Variants in HYAL4 observed in about 807,000 individuals in gnomAD.
The protein encoded by HYAL4 is hyaluronidase 4.
A neutral mutation model predicts 35.2 loss-of-function variants in HYAL4; 37 were observed. The observed-to-expected ratio is 1.05, with a 90% CI of 0.81 to 1.38. The LOEUF (loss-of-function observed/expected upper bound fraction) is 1.38, where lower values mean the gene tolerates loss of function less well. Ranked by LOEUF, HYAL4 falls within the 40% of genes most tolerant of loss-of-function variation. HYAL4 has a pLI of 0.00. For synonymous variants in HYAL4, 198 were observed against 203.2 expected (o/e 0.97, Z 0.22); for missense variants, 572 against 572.4 (o/e 1.00, Z 0.01).
intron 1 of HYAL4, among the ~76,000 whole-genome samples, chr7:123,835,374 G>A (rs564971709): frequency 6.6e-6 from 1 of 152,184 alleles, no homozygotes; most frequent in Admixed American, 6.5e-5. Context: ...ATGTAAAGGT[G>A]TTCATAGTAG....
chr7:123,775,294 T>C, the HYAL4 span, among the ~76,000 whole-genome samples: 2 of 152,230 alleles, frequency 1.3e-5, no homozygotes, highest in Admixed American at 1.3e-4. Context: ...TTAGGCATGG[T>C]GGCACATGCC....
At chr7:123,765,169 ACT>A in the HYAL4 span, among the ~76,000 whole-genome samples, 2 of 152,240 alleles carry the variant, frequency 1.3e-5, no homozygotes, top group South Asian at 2.1e-4. Context: ...TTGCATTTTA[ACT>A]CTTTTGAGTT....
chr7:123,858,992 A>G (rs1806521985), intron 2 of HYAL4, among the ~76,000 whole-genome samples: 1 of 152,198 alleles, frequency 6.6e-6, no homozygotes, highest in African/African-American at 2.4e-5. Flanking sequence ...GTGGGGAAGA[A>G]TAAAAAGAAA....
chr7:123,810,780 A>G, the HYAL4 span, among the ~76,000 whole-genome samples: 4 of 152,312 alleles, frequency 2.6e-5, no homozygotes, highest in East Asian at 7.7e-4. Flanking sequence ...TATTACACAG[A>G]ATAGTTCCAC....
At chr7:123,828,615 A>AT (rs1805835413), upstream of HYAL4, among the ~76,000 whole-genome samples, 1 of 152,222 alleles carries the variant, frequency 6.6e-6, no homozygotes, top group Non-Finnish European at 1.5e-5. Flanking sequence ...TTTCACAATT[A>AT]AAGTTCAATT....
rs1806158282 is a variant in HYAL4, at chr7:123,845,618, A to C, written c.-189A>C. On this transcript the variant is annotated 5_prime_UTR_variant, in exon 1 of 5. It removes the in-frame stop codon of an upstream open reading frame in the 5' UTR. Transcript: ENST00000223026. ...TTTCTGATGCCTCCTTGTTTAGCTT[A>C]ATAACTGACCTTCTGAATTCTTTTT... is the stretch of plus-strand genomic sequence containing the variant. The C allele has an allele frequency of 6.6e-6, 1 of 152,116 alleles. No individual in the cohort carries two copies. The highest frequency in any genetic ancestry group is 2.4e-5 in the African/African-American group (1 of 41,408). 9.4% of individuals were successfully genotyped at this position (152,116 alleles called of 1,614,324 possible).
upstream of HYAL4, among the ~76,000 whole-genome samples, chr7:123,825,663 G>T (rs1805794811): frequency 6.6e-6 from 1 of 152,012 alleles, no homozygotes; most frequent in African/African-American, 2.4e-5. Flanking sequence ...TGAAACAATG[G>T]GTAGATGCTT....
the HYAL4 span, among the ~76,000 whole-genome samples, chr7:123,771,974 CTGTT>C: frequency 8.5e-5 from 13 of 152,208 alleles, no homozygotes; most frequent in African/African-American, 2.6e-4. Flanking sequence ...TCCTGCCTGT[CTGTT>C]TGAGCTGGGA....
upstream of HYAL4, among the ~76,000 whole-genome samples, chr7:123,841,663 A>G (rs1379357007): frequency 1.3e-5 from 2 of 151,904 alleles, no homozygotes; most frequent in Non-Finnish European, 2.9e-5. Context: ...TACTGCCTCA[A>G]TTTCAGAGCC....
chr7:123,829,708 A>T (rs1426931703), intron 1 of HYAL4, among the ~76,000 whole-genome samples: 1 of 152,100 alleles, frequency 6.6e-6, no homozygotes. Context: ...GGTGGTGTGG[A>T]CTGTAGTCCC....
the HYAL4 span, among the ~76,000 whole-genome samples, chr7:123,800,500 A>T: frequency 6.6e-6 from 1 of 150,794 alleles, no homozygotes; most frequent in Non-Finnish European, 1.5e-5. Flanking sequence ...AAAAAATTAA[A>T]AAAAAAGAAG....
At chr7:123,825,635 C>T (rs1805794323), upstream of HYAL4, among the ~76,000 whole-genome samples, 1 of 152,016 alleles carries the variant, frequency 6.6e-6, no homozygotes, top group South Asian at 2.1e-4. Flanking sequence ...CCCCAAGAAT[C>T]AACCATGTCA....
the HYAL4 span, among the ~76,000 whole-genome samples, chr7:123,770,396 C>G: frequency 6.7e-6 from 1 of 149,346 alleles, no homozygotes; most frequent in Non-Finnish European, 1.5e-5. Flanking sequence ...GAGCAGAGAT[C>G]GCGCCACTGC....
chr7:123,858,263 CATA>C (rs1445899988), intron 2 of HYAL4, among the ~76,000 whole-genome samples: 5 of 152,084 alleles, frequency 3.3e-5, no homozygotes, highest in South Asian at 2.1e-4. Context: ...TATATACAGA[CATA>C]ATCCAACCAG....
chr7:123,799,778 C>T, the HYAL4 span, among the ~76,000 whole-genome samples: 1 of 152,110 alleles, frequency 6.6e-6, no homozygotes. Flanking sequence ...AATGACTGCA[C>T]TTTAAACAAG....
At chr7:123,839,599 C>G (rs527785389) in intron 1 of HYAL4, among the ~76,000 whole-genome samples, 11 of 152,194 alleles carry the variant, frequency 7.2e-5, no homozygotes, top group Non-Finnish European at 1.0e-4. Flanking sequence ...ACACTTCCAC[C>G]AACAGTGTAA....
chr7:123,812,869 G>A, the HYAL4 span, among the ~76,000 whole-genome samples: 2 of 152,054 alleles, frequency 1.3e-5, no homozygotes, highest in African/African-American at 4.8e-5. Context: ...AGAGAAGAGT[G>A]ATGGGAGAAA....
the HYAL4 span, among the ~76,000 whole-genome samples, chr7:123,773,941 G>T: frequency 6.6e-6 from 1 of 151,936 alleles, no homozygotes; most frequent in African/African-American, 2.4e-5. Flanking sequence ...ACTCTGTTAT[G>T]CATGGCAGTC....
At chr7:123,780,473 T>A in the HYAL4 span, among the ~76,000 whole-genome samples, 1 of 152,210 alleles carries the variant, frequency 6.6e-6, no homozygotes, top group African/African-American at 2.4e-5. Flanking sequence ...ATATAAGGAA[T>A]GACAGTTAAG....
Sources: allele counts gnomAD v4.1 joint callset (sites outside exome capture counted in the v4.1 genomes callset), GRCh38; gene constraint gnomAD v4.1.1; transcripts MANE v1.5; gene names NCBI Gene and HGNC (gene_info 2026-07-23, HGNC 2026-07-21).